The following TRIM34 variants were observed in gnomAD, a reference collection of about 807,000 sequenced individuals.
TRIM34 encodes the protein tripartite motif containing 34.
In TRIM34, 41 loss-of-function variants were observed where a neutral mutation model predicts 38.1. The observed-to-expected ratio is 1.08, with a 90% CI of 0.84 to 1.40. TRIM34 has a LOEUF of 1.40. Ranked by LOEUF, TRIM34 falls within the 40% of genes most tolerant of loss-of-function variation. The pLI is 0.00. For synonymous variants in TRIM34, 200 were observed against 202.5 expected, an observed-to-expected ratio of 0.99 and a Z score of 0.10; for missense variants, 556 against 571.4, an observed-to-expected ratio of 0.97 and a Z score of 0.27.
upstream of TRIM34, among the ~76,000 whole-genome samples, chr11:5,623,999 A>T (rs899272418): frequency 6.6e-6 from 1 of 152,140 alleles, no homozygotes; most frequent in South Asian, 2.1e-4. Context: ...ATCAACTTAT[A>T]TTCCTCATGA....
In TRIM34 at chr11:5,644,329, G is replaced by A. The variant is rs1420595315; in HGVS notation, c.*620G>A. 11 of 398,352 alleles carry A rather than the reference G, an allele frequency of 2.8e-5. No homozygotes were observed. The highest frequency in any genetic ancestry group is 4.9e-5 in the Non-Finnish European group (11 of 226,020). The allele number at this position is 398,352 out of a possible 1,614,324, so 24.7% of individuals were successfully genotyped here. A position where few individuals can be genotyped will look rare whatever the true frequency, so the allele number is the denominator to read the frequency against. On this transcript the variant is annotated 3_prime_UTR_variant, in exon 8 of 8. Coordinates refer to ENST00000429814, the MANE Select transcript of TRIM34 (RefSeq NM_021616.6). ...TTAAGATCACTGTGTAAAACTAAGT[G>A]TCTCTAAATGTAATGCATCGATTTA...
chr11:5,632,888 G>C, intron 2 of TRIM34, 134 bp downstream of exon 2: 1 of 1,240,200 alleles, frequency 8.1e-7, no homozygotes, highest in Non-Finnish European at 1.0e-6. Flanking sequence ...GTGCAGTGGC[G>C]TGCTCTCGGC....
chr11:5,643,616 G>A lies in TRIM34; in HGVS notation c.1374G>A (p.Lys458=), dbSNP rs770236512. Residue 458 remains lysine (K), a synonymous_variant, in exon 8 of 8, where the codon AAG becomes AAA. Coordinates refer to ENST00000429814, the MANE Select transcript of TRIM34 (RefSeq NM_021616.6). ...CAAGCCATGGCTCCCTCATTTACAAGTTCTCTAAATGTTGCTTTTCTCAGC... is the reference window on the plus strand; with the variant it reads ...CAAGCCATGGCTCCCTCATTTACAAATTCTCTAAATGTTGCTTTTCTCAGC... ...NVTSHGSLIY[K]FSKCCFSQPV... 1.9e-6 allele frequency: 3 copies of A among 1,613,966 alleles called. No individual in the cohort carries two copies. The Admixed American group carries it at 5.0e-5, about 27-fold the overall frequency.
chr11:5,634,524 CACACACAT>C lies in TRIM34; in HGVS notation c.520-105_520-98del, dbSNP rs1162484190. Reference sequence around the variant, plus strand: ...ACACACACACACACACACACACACACACACACATATATATATATATATATTTCCCTACT... The same window carrying C: ...ACACACACACACACACACACACACACATATATATATATATATTTCCCTACT... On this transcript the variant is annotated intron_variant, in intron 3 of 7. Coordinates refer to ENST00000429814, the MANE Select transcript of TRIM34 (RefSeq NM_021616.6). 648 of 675,934 alleles carry C rather than the reference CACACACAT, an allele frequency of 9.6e-4. 2 individuals carry two copies. In the South Asian group the frequency reaches 0.012, roughly 12 times the overall value. The allele number at this position is 675,934 out of a possible 1,614,324, so 41.9% of individuals were successfully genotyped here.
At chr11:5,634,038 GT>G in intron 3 of TRIM34, 139 bp downstream of exon 3, 1 of 889,738 alleles carries the variant, frequency 1.1e-6, no homozygotes, top group Non-Finnish European at 1.7e-6. Context: ...TCCTGTCCCT[GT>G]TGGGGGTGGA....
intron 4 of TRIM34, among the ~76,000 whole-genome samples, chr11:5,637,924 C>T (rs1849815910): frequency 3.3e-5 from 5 of 152,152 alleles, no homozygotes; most frequent in Admixed American, 3.3e-4. Context: ...ATTTTTGTTT[C>T]GTCAATATCC....
Position 5,632,739 on chromosome 11 carries a change from A to G in TRIM34, c.408A>G (p.Val136=). The part of the protein sequence containing the change: ...RGHHTVLTEE[V]FKECQEKLQA... ...ACCACACAGTCCTCACGGAGGAAGT[A>G]TTCAAGGAATGTCAGGTAGGGCCCT... is the stretch of plus-strand genomic sequence containing the variant. The change falls in exon 2 of 8, where the codon GTA becomes GTG. Residue 136 remains valine (V), a synonymous_variant. Coordinates refer to ENST00000429814, the MANE Select transcript of TRIM34 (RefSeq NM_021616.6). 6.3e-7 allele frequency: 1 copy of G among 1,595,136 alleles called. No individual in the cohort carries two copies. Among genetic ancestry groups the G allele is most frequent in the Non-Finnish European group, 8.6e-7 (1 of 1,167,616 alleles).
chr11:5,641,148 T>C lies in TRIM34; in HGVS notation c.751-19T>C. ...CAGTCTTTATACACTTTGACTCATG[T>C]TTTCTCTTTTCTTTCTAGGACATGA... On this transcript the variant is annotated intron_variant, in intron 4 of 7. Transcript: ENST00000429814. 1 of 1,613,166 alleles carries C rather than the reference T, an allele frequency of 6.2e-7. No homozygotes were observed. The highest frequency in any genetic ancestry group is 8.5e-7 in the Non-Finnish European group (1 of 1,179,522).
chr11:5,629,105 C>T (rs1195285858), intron 1 of TRIM34, among the ~76,000 whole-genome samples: 3 of 152,038 alleles, frequency 2.0e-5, no homozygotes, highest in South Asian at 2.1e-4. Context: ...GGTGAAACCC[C>T]GTCTCTACTA....
At position 5,634,866 on chromosome 11, in the gene TRIM34, G is replaced by A. The variant is rs1415658348; in HGVS notation, c.750+5G>A. ...TCAACAATGGAGCTGCTGCAGGTAAGAAGGTTCGCTCAATCTGAGATTCTG... is the reference window on the plus strand; with the variant it reads ...TCAACAATGGAGCTGCTGCAGGTAAAAAGGTTCGCTCAATCTGAGATTCTG... On this transcript the variant is annotated splice_donor_5th_base_variant and intron_variant, in intron 4 of 7. Transcript: ENST00000429814. 6.2e-7 allele frequency: 1 copy of A among 1,610,754 alleles called. No homozygotes were observed. Among genetic ancestry groups the A allele is most frequent in the Admixed American group, 1.7e-5 (1 of 59,940 alleles).
chr11:5,623,483 TCAGC>T (rs1849069570), upstream of TRIM34, among the ~76,000 whole-genome samples: 4 of 151,548 alleles, frequency 2.6e-5, no homozygotes, highest in Middle Eastern at 0.011. Flanking sequence ...TTCTCCTGCC[TCAGC>T]CTCCTGAGTA....
rs745849246 is a variant in TRIM34 at position 5,643,125 on chromosome 11, A to ATTT, written c.902-10_902-8dup. 1.1e-5 allele frequency: 11 copies of ATTT among 974,554 alleles called. No homozygotes were observed. Among genetic ancestry groups the ATTT allele is most frequent in the African/African-American group, 6.4e-5 (3 of 46,580 alleles). 60.4% of individuals were successfully genotyped at this position (974,554 alleles called of 1,614,324 possible). ...ATTATATTCATATACATATATATATATTTTTTTTTTTCTTGCAGTGGATGT... is the reference window on the plus strand; with the variant it reads ...ATTATATTCATATACATATATATATATTTTTTTTTTTTTTCTTGCAGTGGATGT... On this transcript the variant is annotated intron_variant, in intron 7 of 7. Transcript: ENST00000429814.
At position 5,632,771 on chromosome 11, in the gene TRIM34, A is replaced by C; in HGVS notation, c.423+17A>C. 6.8e-7 allele frequency: 1 copy of C among 1,472,930 alleles called. No individual in the cohort carries two copies. Among genetic ancestry groups the C allele is most frequent in the Non-Finnish European group, 9.2e-7 (1 of 1,092,080 alleles). 91.2% of individuals were successfully genotyped at this position (1,472,930 alleles called of 1,614,324 possible). A position where few individuals can be genotyped will look rare whatever the true frequency, so the allele number is the denominator to read the frequency against. Reference sequence around the variant, plus strand: ...GAATGTCAGGTAGGGCCCTAGATGGAGGGAGATGGGGCAGAAGATGGTAGT... The same window carrying C: ...GAATGTCAGGTAGGGCCCTAGATGGCGGGAGATGGGGCAGAAGATGGTAGT... On this transcript the variant is annotated intron_variant, in intron 2 of 7. Coordinates refer to ENST00000429814, the MANE Select transcript of TRIM34 (RefSeq NM_021616.6).
Position 5,632,259 on chromosome 11 carries a change from C to T in TRIM34, c.-73C>T, listed in dbSNP as rs754821910. 36 of 1,603,592 alleles carry T rather than the reference C, an allele frequency of 2.2e-5. No individual in the cohort carries two copies. Among genetic ancestry groups the T allele is most frequent in the Non-Finnish European group, 2.9e-5 (34 of 1,175,922 alleles). ...ATCCCCTTTCAATCTTCTCAGCCAT[C>T]CAGGGGTCTTTAACCAGAAGAGAGA... On this transcript the variant is annotated 5_prime_UTR_variant, in exon 2 of 8. Transcript: ENST00000429814.
At position 5,643,912 on chromosome 11, in the gene TRIM34, T is replaced by A; in HGVS notation, c.*203T>A. 1 of 680,100 alleles carries A rather than the reference T, an allele frequency of 1.5e-6. No individual in the cohort carries two copies. Among genetic ancestry groups the A allele is most frequent in the Non-Finnish European group, 2.3e-6 (1 of 429,210 alleles). The allele number at this position is 680,100 out of a possible 1,614,324, so 42.1% of individuals were successfully genotyped here. On this transcript the variant is annotated 3_prime_UTR_variant, in exon 8 of 8. Transcript: ENST00000429814. Reference sequence around the variant, plus strand: ...TCTTTTTCATATTTTCAGAGAAAGTTACCTAATCCCTCCTAAAGACACAGC... The same window carrying A: ...TCTTTTTCATATTTTCAGAGAAAGTAACCTAATCCCTCCTAAAGACACAGC...
chr11:5,629,927 T>C (rs562136284), intron 1 of TRIM34, among the ~76,000 whole-genome samples: 2 of 152,238 alleles, frequency 1.3e-5, no homozygotes, highest in Admixed American at 6.5e-5. Context: ...AGGATGGTCT[T>C]GATCTCCTTA....
intron 4 of TRIM34, among the ~76,000 whole-genome samples, chr11:5,638,422 G>A (rs752340826): frequency 3.9e-5 from 6 of 152,174 alleles, no homozygotes; most frequent in African/African-American, 1.4e-4. Context: ...GGCAATTTTA[G>A]TTGTTGAACA....
At position 5,642,820 on chromosome 11, in the gene TRIM34, T is replaced by C. The variant is rs1291529701; in HGVS notation, c.878T>C (p.Leu293Pro). 1.9e-6 allele frequency: 3 copies of C among 1,614,064 alleles called. No homozygotes were observed. Among genetic ancestry groups the C allele is most frequent in the Non-Finnish European group, 1.7e-6 (2 of 1,179,962 alleles). Residue 293 changes from leucine (L) to proline (P), a missense_variant, in exon 7 of 8, where the codon CTG becomes CCG. Coordinates refer to ENST00000429814, the MANE Select transcript of TRIM34 (RefSeq NM_021616.6). Reference protein sequence around the residue: ...LSRMLQMFRELTAVRCYWVDV... With the variant: ...LSRMLQMFREPTAVRCYWVDV... ...ACTGAATCTTTTATTATTTCAGAAC[T>C]GACAGCTGTCCGGTGCTACTGGGGT...
chr11:5,630,265 G>A (rs1201873463), intron 1 of TRIM34, among the ~76,000 whole-genome samples: 1 of 152,144 alleles, frequency 6.6e-6, no homozygotes, highest in Non-Finnish European at 1.5e-5. Flanking sequence ...TTTATAGGAA[G>A]AAAGGACTTA....
Sources: gnomAD v4.1 joint callset for allele counts (sites outside exome capture counted in the v4.1 genomes callset) on GRCh38, gnomAD v4.1.1 for gene constraint, MANE v1.5 for transcripts, NCBI Gene and HGNC (gene_info 2026-07-23, HGNC 2026-07-21) for gene names.